The following SLC8A1 variants were observed in gnomAD, a reference collection of about 807,000 sequenced individuals.
SLC8A1 encodes the protein sodium/calcium exchanger 1.
Under a neutral mutation model 68.3 loss-of-function variants are expected in SLC8A1, and 18 were observed. The ratio of observed to expected loss-of-function variants is 0.26; its 90% CI spans 0.18 to 0.39. SLC8A1 has a LOEUF of 0.39. Ranked by LOEUF, SLC8A1 falls within the 10% of genes least tolerant of loss-of-function variation. SLC8A1 has a pLI of 1.00. For synonymous variants in SLC8A1, 475 were observed against 415.5 expected (o/e 1.14, Z -1.74); for missense variants, 985 against 1,156.7 (o/e 0.85, Z 2.15).
At chr2:40,373,047 A>C (rs1344196343) in intron 2 of SLC8A1, among the ~76,000 whole-genome samples, 1 of 72,778 alleles carries the variant, frequency 1.4e-5, no homozygotes, top group Non-Finnish European at 2.6e-5. Context: ...AAAAAAATTC[A>C]AACTATGTCC....
intron 2 of SLC8A1, among the ~76,000 whole-genome samples, chr2:40,235,189 T>C (rs890017158): frequency 6.6e-6 from 1 of 152,070 alleles, no homozygotes; most frequent in African/African-American, 2.4e-5. Context: ...AGTTCCTCCT[T>C]GTACCTCTGG....
intron 1 of SLC8A1, among the ~76,000 whole-genome samples, chr2:40,504,863 T>A (rs904826014): frequency 6.6e-6 from 1 of 151,988 alleles, no homozygotes; most frequent in East Asian, 1.9e-4. Context: ...TTGGTGGGAA[T>A]GTAAATTAGT....
At chr2:40,290,829 A>G (rs1169872571) in intron 2 of SLC8A1, among the ~76,000 whole-genome samples, 4 of 152,178 alleles carry the variant, frequency 2.6e-5, no homozygotes, top group Admixed American at 1.3e-4. Context: ...TTCAGTCTAT[A>G]TAGGTATATC....
chr2:40,375,109 T>C (rs1679391485), intron 2 of SLC8A1, among the ~76,000 whole-genome samples: 1 of 152,048 alleles, frequency 6.6e-6, no homozygotes, highest in African/African-American at 2.4e-5. Context: ...TTTGGTAAGT[T>C]GATGCTGTGT....
At chr2:40,389,649 A>G (rs548924292) in intron 2 of SLC8A1, among the ~76,000 whole-genome samples, 45 of 151,960 alleles carry the variant, frequency 3.0e-4, no homozygotes, top group Non-Finnish European at 4.1e-4. Context: ...CCCCATTCCC[A>G]TGTTACTGCC....
chr2:40,496,025 CATTTGAAGT>C (rs148713449), intron 1 of SLC8A1, among the ~76,000 whole-genome samples: 6,331 of 152,062 alleles, frequency 0.042, 225 homozygotes, highest in African/African-American at 0.093. Flanking sequence ...TCAGGGGCTC[CATTTGAAGT>C]GTTCTTTGGA....
chr2:40,424,759 T>C (rs1696420308), intron 2 of SLC8A1, among the ~76,000 whole-genome samples: 1 of 151,870 alleles, frequency 6.6e-6, no homozygotes, highest in Non-Finnish European at 1.5e-5. Context: ...ACTTTAAATA[T>C]ATAATACTAA....
At chr2:40,196,711 A>T (rs2053108491) in intron 2 of SLC8A1, among the ~76,000 whole-genome samples, 1 of 152,180 alleles carries the variant, frequency 6.6e-6, no homozygotes, top group East Asian at 1.9e-4. Context: ...GCCTTAAAAA[A>T]TAACCCTTTT....
At chr2:40,316,711 T>C (rs1161363931) in intron 2 of SLC8A1, among the ~76,000 whole-genome samples, 1 of 152,030 alleles carries the variant, frequency 6.6e-6, no homozygotes, top group South Asian at 2.1e-4. Flanking sequence ...TATTTCCTAA[T>C]GCAAATCTTG....
At chr2:40,148,180 C>G (rs2042803558) in intron 6 of SLC8A1, among the ~76,000 whole-genome samples, 1 of 152,282 alleles carries the variant, frequency 6.6e-6, no homozygotes, top group South Asian at 2.1e-4. Context: ...ACACAAAATA[C>G]TATATTGTTC....
intron 1 of SLC8A1, among the ~76,000 whole-genome samples, chr2:40,444,417 G>T (rs989945826): frequency 6.6e-6 from 1 of 152,128 alleles, no homozygotes. Flanking sequence ...CCTGATAACT[G>T]AAAGAGACAT....
intron 2 of SLC8A1, among the ~76,000 whole-genome samples, chr2:40,396,963 G>T (rs1193636987): frequency 6.6e-6 from 1 of 151,956 alleles, no homozygotes; most frequent in Non-Finnish European, 1.5e-5. Context: ...CAGGTTTCAG[G>T]GTTTAAATCT....
intron 2 of SLC8A1, among the ~76,000 whole-genome samples, chr2:40,236,897 ATTCTT>A (rs1183582691): frequency 1.5e-4 from 23 of 151,862 alleles, no homozygotes; most frequent in Non-Finnish European, 3.2e-4. Flanking sequence ...TGGGTTGAAA[ATTCTT>A]TTCTTTAAGA....
chr2:40,181,477 C>G (rs535293073), intron 2 of SLC8A1, among the ~76,000 whole-genome samples: 8 of 152,196 alleles, frequency 5.3e-5, no homozygotes, highest in South Asian at 2.1e-4. Flanking sequence ...AGGTGCCTGG[C>G]AAAGACATCT....
intron 2 of SLC8A1, among the ~76,000 whole-genome samples, chr2:40,306,311 G>T (rs954825502): frequency 6.6e-6 from 1 of 152,164 alleles, no homozygotes; most frequent in Non-Finnish European, 1.5e-5. Flanking sequence ...TAACAAGATG[G>T]CAAGTTGAAG....
chr2:40,119,722 A>G (rs1459128866), intron 7 of SLC8A1, among the ~76,000 whole-genome samples: 1 of 152,112 alleles, frequency 6.6e-6, no homozygotes, highest in African/African-American at 2.4e-5. Flanking sequence ...TAACACATGT[A>G]TTTTTTCCTT....
intron 1 of SLC8A1, among the ~76,000 whole-genome samples, chr2:40,467,962 C>A (rs928686019): frequency 6.6e-6 from 1 of 152,084 alleles, no homozygotes; most frequent in African/African-American, 2.4e-5. Context: ...AAGCAAATCA[C>A]TTCAGCTTCC....
chr2:40,388,124 C>T (rs116513586), intron 2 of SLC8A1, among the ~76,000 whole-genome samples: 56 of 152,024 alleles, frequency 3.7e-4, no homozygotes, highest in African/African-American at 1.4e-3. Flanking sequence ...GCCAAATAAA[C>T]AAATGTTTAT....
intron 1 of SLC8A1, among the ~76,000 whole-genome samples, chr2:40,442,543 A>G (rs1700707874): frequency 6.6e-6 from 1 of 152,214 alleles, no homozygotes; most frequent in African/African-American, 2.4e-5. Flanking sequence ...GCAAATCAAA[A>G]CCACAATGAG....
Sources: gnomAD v4.1 joint callset for allele counts (sites outside exome capture counted in the v4.1 genomes callset) on GRCh38, gnomAD v4.1.1 for gene constraint, MANE v1.5 for transcripts, NCBI Gene and HGNC (gene_info 2026-07-23, HGNC 2026-07-21) for gene names.